PTGER4: variants seen among roughly 807,000 people sequenced by gnomAD.
The protein encoded by PTGER4 is prostaglandin E receptor 4.
PTGER4 carries 11 observed loss-of-function variants against 33.2 expected under a neutral mutation model. The ratio of observed to expected loss-of-function variants is 0.33; its 90% CI spans 0.21 to 0.55. PTGER4 has a LOEUF of 0.55. PTGER4 is among the 20% of genes least tolerant of loss of function. PTGER4 has a pLI of 0.92. For missense variants in PTGER4, 481 were observed against 650.2 expected (o/e 0.74, Z 2.83); for synonymous variants, 275 against 281.5 (o/e 0.98, Z 0.23).
the PTGER4 span, among the ~76,000 whole-genome samples, chr5:40,708,358 T>G: frequency 6.6e-6 from 1 of 152,254 alleles, no homozygotes; most frequent in Admixed American, 6.5e-5. Flanking sequence ...AGATCACCAC[T>G]GATCCCACAG....
chr5:40,690,886 T>C (rs1741450498), intron 2 of PTGER4, among the ~76,000 whole-genome samples: 1 of 152,250 alleles, frequency 6.6e-6, no homozygotes, highest in African/African-American at 2.4e-5. Flanking sequence ...TTTATACATA[T>C]GTGACCTGCA....
In PTGER4 at chr5:40,693,415, A is replaced by T; in HGVS notation, c.*1037A>T. The stretch of plus-strand genomic sequence containing the variant: ...AGAATATCCTTTAAAATTTAAAAGG[A>T]TGGCAAGTTGCATCAGAAAGCTTTA... On this transcript the variant is annotated 3_prime_UTR_variant, in exon 3 of 3. Transcript: ENST00000302472. The T allele has an allele frequency of 1.0e-6, 1 of 985,688 alleles. No individual in the cohort carries two copies. The highest frequency in any genetic ancestry group is 1.2e-6 in the Non-Finnish European group (1 of 829,656). 61.1% of individuals were successfully genotyped at this position (985,688 alleles called of 1,614,324 possible).
the PTGER4 span, among the ~76,000 whole-genome samples, chr5:40,710,926 G>T: frequency 1.3e-5 from 2 of 152,120 alleles, no homozygotes; most frequent in Non-Finnish European, 2.9e-5. Context: ...GGGGCCTGTT[G>T]TGTGGTGGGG....
chr5:40,696,774 C>A (rs1741589961), downstream of PTGER4: 3 of 903,586 alleles, frequency 3.3e-6, no homozygotes, highest in African/African-American at 3.6e-5. Context: ...GTAAGTATTT[C>A]TCTTTCTTGA....
the PTGER4 span, among the ~76,000 whole-genome samples, chr5:40,702,871 C>T: frequency 6.6e-6 from 1 of 152,128 alleles, no homozygotes; most frequent in Admixed American, 6.5e-5. Flanking sequence ...TTGCTCAAAA[C>T]CATAAAATTA....
Position 40,692,527 on chromosome 5 carries a change from C to G in PTGER4, c.*149C>G. ...AACATCCTGGCTTTTGAGCACTTTT[C>G]AAACAATCAAGTTGACTCACGTGGG... is the stretch of plus-strand genomic sequence containing the variant. On this transcript the variant is annotated 3_prime_UTR_variant, in exon 3 of 3. Transcript: ENST00000302472. 6.9e-7 allele frequency: 1 copy of G among 1,447,738 alleles called. No individual in the cohort carries two copies. The highest frequency in any genetic ancestry group is 9.0e-7 in the Non-Finnish European group (1 of 1,106,968). 89.7% of individuals were successfully genotyped at this position (1,447,738 alleles called of 1,614,324 possible). A position where few individuals can be genotyped will look rare whatever the true frequency, so the allele number is the denominator to read the frequency against.
chr5:40,736,508 AT>A, the PTGER4 span, among the ~76,000 whole-genome samples: 1 of 152,228 alleles, frequency 6.6e-6, no homozygotes, highest in African/African-American at 2.4e-5. Flanking sequence ...AAAAGCCAAG[AT>A]GTCAAAGTTG....
At chr5:40,690,259 G>GGT (rs1741435113) in intron 2 of PTGER4, among the ~76,000 whole-genome samples, 1 of 152,142 alleles carries the variant, frequency 6.6e-6, no homozygotes, top group Non-Finnish European at 1.5e-5. Flanking sequence ...AGGATTGCTG[G>GGT]AGCCTAGGGG....
At chr5:40,711,617 A>C in the PTGER4 span, among the ~76,000 whole-genome samples, 1 of 152,146 alleles carries the variant, frequency 6.6e-6, no homozygotes, top group Non-Finnish European at 1.5e-5. Flanking sequence ...TAATAGATCA[A>C]AACTTGAAAC....
At chr5:40,702,593 T>C in the PTGER4 span, among the ~76,000 whole-genome samples, 1 of 152,188 alleles carries the variant, frequency 6.6e-6, no homozygotes, top group African/African-American at 2.4e-5. Context: ...CTGATAGTAT[T>C]AGACAGATCA....
chr5:40,689,172 G>A (rs1741405263), intron 2 of PTGER4, among the ~76,000 whole-genome samples: 1 of 152,194 alleles, frequency 6.6e-6, no homozygotes, highest in Non-Finnish European at 1.5e-5. Flanking sequence ...GTTCAGTTTT[G>A]CTGCCAAAAT....
chr5:40,705,645 C>T, the PTGER4 span, among the ~76,000 whole-genome samples: 2 of 151,990 alleles, frequency 1.3e-5, no homozygotes, highest in Non-Finnish European at 2.9e-5. Context: ...AACAAACAAC[C>T]CCATTAAAAC....
At chr5:40,733,811 G>A in the PTGER4 span, among the ~76,000 whole-genome samples, 10 of 152,148 alleles carry the variant, frequency 6.6e-5, no homozygotes, top group Non-Finnish European at 1.3e-4. Flanking sequence ...TCCCAAGTAC[G>A]AAATAAACTA....
At chr5:40,710,043 A>G in the PTGER4 span, among the ~76,000 whole-genome samples, 13 of 152,210 alleles carry the variant, frequency 8.5e-5, no homozygotes, top group African/African-American at 3.1e-4. Flanking sequence ...AAAACACCAA[A>G]AGTAACGGCA....
chr5:40,699,145 G>T, the PTGER4 span, among the ~76,000 whole-genome samples: 1 of 151,232 alleles, frequency 6.6e-6, no homozygotes, highest in Non-Finnish European at 1.5e-5. Flanking sequence ...AATATAAAAT[G>T]TGGAAAATTC....
chr5:40,716,468 T>C, the PTGER4 span: 3 of 1,598,948 alleles, frequency 1.9e-6, no homozygotes, highest in South Asian at 1.1e-5. Flanking sequence ...ATTGGATAGA[T>C]GTGAAGGGCT....
chr5:40,743,852 T>C, the PTGER4 span, among the ~76,000 whole-genome samples: 103,251 of 152,070 alleles, frequency 0.68, 35,144 homozygotes, highest in East Asian at 0.8. Flanking sequence ...GAGCAAAAAA[T>C]GTAATCATGT....
the PTGER4 span, among the ~76,000 whole-genome samples, chr5:40,742,753 G>A: frequency 1.3e-5 from 2 of 152,182 alleles, no homozygotes; most frequent in African/African-American, 2.4e-5. Flanking sequence ...TTTCATTCGG[G>A]AGGAGGGTGA....
At chr5:40,723,652 AC>A in the PTGER4 span, among the ~76,000 whole-genome samples, 31 of 152,122 alleles carry the variant, frequency 2.0e-4, 1 homozygote, top group Non-Finnish European at 8.8e-5. Context: ...ATCACCTGAG[AC>A]CAGGAGTTCA....
Sources: allele counts gnomAD v4.1 joint callset (sites outside exome capture counted in the v4.1 genomes callset), GRCh38; gene constraint gnomAD v4.1.1; transcripts MANE v1.5; gene names NCBI Gene and HGNC (gene_info 2026-07-23, HGNC 2026-07-21).